The following DGKB variants were observed in gnomAD, a reference collection of about 807,000 sequenced individuals.
DGKB encodes the protein 90 kDa diacylglycerol kinase.
Under a neutral mutation model 114.3 loss-of-function variants are expected in DGKB, and 67 were observed. The ratio of observed to expected loss-of-function variants is 0.59; its 90% CI spans 0.48 to 0.72. The LOEUF (loss-of-function observed/expected upper bound fraction) is 0.72, where lower values mean the gene tolerates loss of function less well. Among genes scored for constraint, DGKB ranks in the 30% least tolerant of loss-of-function variants. The probability of loss-of-function intolerance (pLI) is 0.00; values close to 1 mark genes in which losing one functional copy is unlikely to be tolerated. For synonymous variants in DGKB, 398 were observed against 323.1 expected, an observed-to-expected ratio of 1.23 and a Z score of -2.49; for missense variants, 907 against 975.2, an observed-to-expected ratio of 0.93 and a Z score of 0.93.
intron 1 of DGKB, among the ~76,000 whole-genome samples, chr7:14,893,718 G>A: frequency 6.6e-6 from 1 of 151,284 alleles, no homozygotes; most frequent in Non-Finnish European, 1.5e-5. Flanking sequence ...TATATCTTGA[G>A]AATTGCTTTT....
chr7:14,909,033 T>C (rs1783851610), intron 1 of DGKB, among the ~76,000 whole-genome samples: 1 of 152,208 alleles, frequency 6.6e-6, no homozygotes, highest in African/African-American at 2.4e-5. Context: ...TAAATATGGA[T>C]ATTAAAATAA....
intron 1 of DGKB, among the ~76,000 whole-genome samples, chr7:14,851,537 A>T (rs1157089856): frequency 6.6e-6 from 1 of 152,172 alleles, no homozygotes; most frequent in Non-Finnish European, 1.5e-5. Context: ...TCCAAGAATG[A>T]TGATACGATA....
intron 8 of DGKB, among the ~76,000 whole-genome samples, chr7:14,696,179 T>C (rs904613925): frequency 2.0e-5 from 3 of 151,922 alleles, no homozygotes; most frequent in Non-Finnish European, 4.4e-5. Flanking sequence ...TGTTGAGAAG[T>C]GTTAGTGCCC....
chr7:14,526,551 T>C (rs1790675684), intron 20 of DGKB, among the ~76,000 whole-genome samples: 1 of 152,140 alleles, frequency 6.6e-6, no homozygotes, highest in African/African-American at 2.4e-5. Context: ...GGCATTGTGA[T>C]AAGAGATAGC....
chr7:14,832,132 C>G (rs188245094), intron 2 of DGKB, among the ~76,000 whole-genome samples: 13 of 152,044 alleles, frequency 8.6e-5, no homozygotes, highest in Admixed American at 7.9e-4. Context: ...TTGAAATAGT[C>G]TTTTTTATTT....
intron 1 of DGKB, among the ~76,000 whole-genome samples, chr7:14,870,246 C>A (rs1254711143): frequency 1.3e-5 from 2 of 152,138 alleles, no homozygotes; most frequent in Non-Finnish European, 2.9e-5. Flanking sequence ...AGTGCCCTCT[C>A]CACTCTCCTG....
rs890622739 is a variant in DGKB, at chr7:14,798,825, T to C, written c.71-41094A>G. On this transcript the variant is annotated intron_variant, in intron 2 of 25. Transcript: ENST00000402815. The stretch of plus-strand genomic sequence containing the variant: ...CCAGAATGCCTAATTGTAACAGATA[T>C]AGTCAGCAGCTCCCCACATTTATTC... 4.6e-5 allele frequency among the ~76,000 whole-genome samples: 7 copies of C among 152,306 alleles called. No individual in the cohort carries two copies. The East Asian group carries it at 5.8e-4, about 13-fold the overall frequency.
At chr7:14,217,467 T>C (rs186969795) in intron 23 of DGKB, among the ~76,000 whole-genome samples, 27 of 152,158 alleles carry the variant, frequency 1.8e-4, no homozygotes, top group Non-Finnish European at 3.1e-4. Flanking sequence ...TCATCACAAA[T>C]CATTCTTGGT....
intron 23 of DGKB, among the ~76,000 whole-genome samples, chr7:14,237,938 A>G (rs1462372473): frequency 6.6e-6 from 1 of 152,056 alleles, no homozygotes; most frequent in Non-Finnish European, 1.5e-5. Flanking sequence ...ATTAAAGGCC[A>G]TTTATATTAC....
At chr7:14,795,933 G>A (rs1331063044) in intron 2 of DGKB, among the ~76,000 whole-genome samples, 3 of 152,114 alleles carry the variant, frequency 2.0e-5, no homozygotes, top group South Asian at 2.1e-4. Flanking sequence ...TTGTACTAAT[G>A]TTATGACATG....
chr7:14,190,262 G>A (rs181723557), intron 23 of DGKB, among the ~76,000 whole-genome samples: 17 of 151,882 alleles, frequency 1.1e-4, no homozygotes, highest in African/African-American at 4.1e-4. Flanking sequence ...ACAAATAGAT[G>A]GAAGTTAAAC....
intron 4 of DGKB, among the ~76,000 whole-genome samples, chr7:14,747,709 T>C (rs1833505547): frequency 6.6e-6 from 1 of 151,772 alleles, no homozygotes; most frequent in Non-Finnish European, 1.5e-5. Context: ...ATGATACAAA[T>C]TGGGTCAGAC....
intron 10 of DGKB, among the ~76,000 whole-genome samples, chr7:14,683,107 C>G (rs963894446): frequency 6.6e-6 from 1 of 152,108 alleles, no homozygotes; most frequent in African/African-American, 2.4e-5. Flanking sequence ...AGTCCTCACT[C>G]AAATTTTTCA....
At position 14,292,484 on chromosome 7, in the gene DGKB, GTTTC is replaced by G. The variant is rs1299493846; in HGVS notation, c.2122+46027_2122+46030del. ...GACTACAATTCAAACCTGGTTATTT[GTTTC>G]TTTATCAATTGTCACAAAATAAAAG... On this transcript the variant is annotated intron_variant, in intron 23 of 25. Coordinates refer to ENST00000402815, the MANE Select transcript of DGKB (RefSeq NM_001350709.2). 2.6e-5 allele frequency among the ~76,000 whole-genome samples: 4 copies of G among 152,214 alleles called. No homozygotes were observed. The East Asian group carries it at 7.7e-4, about 29-fold the overall frequency.
rs73680202 is a variant in DGKB, at chr7:14,720,103, C to T, written c.323-1418G>A. The stretch of plus-strand genomic sequence containing the variant: ...AACACAGCACACACACACGCACGCA[C>T]GCACACACACGCACACACACATTAG... On this transcript the variant is annotated intron_variant, in intron 5 of 25. Transcript: ENST00000402815. 2.7e-3 allele frequency among the ~76,000 whole-genome samples: 372 copies of T among 139,360 alleles called. 1 individual carries two copies. The highest frequency in any genetic ancestry group is 0.019 in the East Asian group (89 of 4,684). The allele number at this position is 139,360 out of a possible 152,430, so 91.4% of individuals were successfully genotyped here.
intron 2 of DGKB, among the ~76,000 whole-genome samples, chr7:14,799,041 G>A (rs1266731229): frequency 6.6e-6 from 1 of 152,196 alleles, no homozygotes; most frequent in Non-Finnish European, 1.5e-5. Context: ...TTCAATTTGT[G>A]TATCTGGCTC....
intron 23 of DGKB, among the ~76,000 whole-genome samples, chr7:14,270,151 G>C (rs922645396): frequency 6.7e-6 from 1 of 149,026 alleles, no homozygotes; most frequent in East Asian, 2.0e-4. Flanking sequence ...AGTAGAAACA[G>C]AAAAGTAAAA....
At position 14,672,849 on chromosome 7, in the gene DGKB, T is replaced by A; in HGVS notation, c.1134+80A>T. On this transcript the variant is annotated intron_variant, in intron 13 of 25. Coordinates refer to ENST00000402815, the MANE Select transcript of DGKB (RefSeq NM_001350709.2). ...CTACCTTGATTGATGAAAAATTATC[T>A]CTAGAAGCTTTTAATGGTATACGAT... The A allele has an allele frequency of 6.5e-6, 5 of 775,094 alleles. No homozygotes were observed. In the South Asian group the frequency reaches 1.0e-4, roughly 16 times the overall value. 48.0% of individuals were successfully genotyped at this position (775,094 alleles called of 1,614,324 possible). A position where few individuals can be genotyped will look rare whatever the true frequency, so the allele number is the denominator to read the frequency against.
intron 21 of DGKB, among the ~76,000 whole-genome samples, chr7:14,461,792 G>A (rs1345504650): frequency 6.6e-6 from 1 of 152,072 alleles, no homozygotes; most frequent in Admixed American, 6.6e-5. Flanking sequence ...ACCTGGCAGA[G>A]ACACAACAAA....
Sources: gnomAD v4.1 joint callset for allele counts (sites outside exome capture counted in the v4.1 genomes callset) on GRCh38, gnomAD v4.1.1 for gene constraint, MANE v1.5 for transcripts, NCBI Gene and HGNC (gene_info 2026-07-23, HGNC 2026-07-21) for gene names.